Variants in GRM7 observed in about 807,000 individuals in gnomAD.
The protein encoded by GRM7 is metabotropic glutamate receptor 7.
Under a neutral mutation model 84.5 loss-of-function variants are expected in GRM7, and 35 were observed. The ratio of observed to expected loss-of-function variants is 0.41; its 90% CI spans 0.32 to 0.55. GRM7 has a LOEUF of 0.55. Among genes scored for constraint, GRM7 ranks in the 20% least tolerant of loss-of-function variants. The pLI, the probability that GRM7 is intolerant of heterozygous loss-of-function variation, is 0.19. For synonymous variants in GRM7, 487 were observed against 455.1 expected (o/e 1.07, Z -0.89); for missense variants, 1,003 against 1,194.6 (o/e 0.84, Z 2.36).
chr3:7,009,186 T>A (rs1208494223), intron 1 of GRM7, among the ~76,000 whole-genome samples: 1 of 152,230 alleles, frequency 6.6e-6, no homozygotes, highest in Non-Finnish European at 1.5e-5. Flanking sequence ...CTAAACTTCT[T>A]CTCATCTTTG....
intron 5 of GRM7, among the ~76,000 whole-genome samples, chr3:7,426,868 C>G (rs1575319773): frequency 6.6e-6 from 1 of 152,148 alleles, no homozygotes; most frequent in Non-Finnish European, 1.5e-5. Flanking sequence ...ATTTTACTTT[C>G]CAGGCTTAAA....
intron 1 of GRM7, among the ~76,000 whole-genome samples, chr3:7,047,572 T>C (rs934568735): frequency 1.3e-5 from 2 of 152,082 alleles, no homozygotes; most frequent in Non-Finnish European, 2.9e-5. Context: ...TTCCAGCCAG[T>C]ACTATTTTCA....
At chr3:7,250,777 G>A (rs1697954858) in intron 2 of GRM7, among the ~76,000 whole-genome samples, 1 of 152,132 alleles carries the variant, frequency 6.6e-6, no homozygotes, top group South Asian at 2.1e-4. Context: ...ACCCACCTCA[G>A]CCTCCCAAAG....
At chr3:7,198,155 T>A (rs1308118822) in intron 2 of GRM7, among the ~76,000 whole-genome samples, 1 of 137,658 alleles carries the variant, frequency 7.3e-6, no homozygotes. Context: ...GATAAAATGT[T>A]AAAAAAAAAA....
intron 2 of GRM7, among the ~76,000 whole-genome samples, chr3:7,149,813 A>G (rs1480240962): frequency 6.6e-6 from 1 of 152,234 alleles, no homozygotes; most frequent in Non-Finnish European, 1.5e-5. Flanking sequence ...GAAGCATTTA[A>G]TACCCAACAA....
At chr3:7,548,670 G>A (rs1197131854) in intron 7 of GRM7, among the ~76,000 whole-genome samples, 1 of 152,124 alleles carries the variant, frequency 6.6e-6, no homozygotes, top group Non-Finnish European at 1.5e-5. Context: ...TCTTCCAATT[G>A]TGATCCCCTA....
chr3:7,134,142 G>T (rs1693694538), intron 1 of GRM7, among the ~76,000 whole-genome samples: 1 of 152,148 alleles, frequency 6.6e-6, no homozygotes, highest in Non-Finnish European at 1.5e-5. Flanking sequence ...TTAACCCTGT[G>T]ATGTGTCTTG....
intron 1 of GRM7, among the ~76,000 whole-genome samples, chr3:7,051,570 T>C (rs1697000394): frequency 6.6e-6 from 1 of 151,836 alleles, no homozygotes. Context: ...CTCAAATTAC[T>C]GATGAAGGAA....
At chr3:7,722,922 G>A (rs1329797086) in intron 9 of GRM7, among the ~76,000 whole-genome samples, 2 of 152,176 alleles carry the variant, frequency 1.3e-5, no homozygotes, top group African/African-American at 4.8e-5. Context: ...AGATAAAAGT[G>A]AGACAAGCTC....
At chr3:7,122,109 C>T (rs1364665456) in intron 1 of GRM7, among the ~76,000 whole-genome samples, 2 of 152,134 alleles carry the variant, frequency 1.3e-5, no homozygotes, top group Non-Finnish European at 2.9e-5. Context: ...ATAAATTACC[C>T]AGTCTGTGGT....
intron 2 of GRM7, among the ~76,000 whole-genome samples, chr3:7,193,231 G>A (rs1362991072): frequency 2.0e-5 from 3 of 152,126 alleles, no homozygotes; most frequent in African/African-American, 7.2e-5. Context: ...GAATGAATGA[G>A]TGGCAGTGAA....
chr3:7,210,275 T>C (rs1449163436), intron 2 of GRM7, among the ~76,000 whole-genome samples: 1 of 152,218 alleles, frequency 6.6e-6, no homozygotes, highest in Non-Finnish European at 1.5e-5. Context: ...TTTACTCAGT[T>C]CCCATCTATT....
At chr3:7,330,716 G>C (rs1225778469) in intron 4 of GRM7, among the ~76,000 whole-genome samples, 1 of 152,146 alleles carries the variant, frequency 6.6e-6, no homozygotes, top group Non-Finnish European at 1.5e-5. Flanking sequence ...GGCCTCCCCA[G>C]CCACGTGGAA....
intron 7 of GRM7, among the ~76,000 whole-genome samples, chr3:7,473,510 G>T (rs1698794924): frequency 6.6e-6 from 1 of 151,488 alleles, no homozygotes; most frequent in African/African-American, 2.4e-5. Flanking sequence ...GAGAGAGAGA[G>T]AGAGAGAGAG....
At chr3:7,291,388 T>G (rs953575004) in intron 2 of GRM7, among the ~76,000 whole-genome samples, 1 of 152,128 alleles carries the variant, frequency 6.6e-6, no homozygotes, top group Non-Finnish European at 1.5e-5. Context: ...TTACCACTTT[T>G]AAGGAGTAGG....
intron 1 of GRM7, among the ~76,000 whole-genome samples, chr3:7,016,032 C>A (rs1212860389): frequency 6.6e-6 from 1 of 152,100 alleles, no homozygotes; most frequent in Non-Finnish European, 1.5e-5. Flanking sequence ...CAAAGTACAA[C>A]AAAGACTACA....
chr3:7,602,484 AG>A (rs1696361719), intron 8 of GRM7, among the ~76,000 whole-genome samples: 1 of 152,188 alleles, frequency 6.6e-6, no homozygotes, highest in Non-Finnish European at 1.5e-5. Flanking sequence ...AATTACTTAC[AG>A]ATGCATATGC....
At chr3:7,415,262 A>T in intron 5 of GRM7, 99 bp downstream of exon 5, 1 of 1,027,510 alleles carries the variant, frequency 9.7e-7, no homozygotes, top group Non-Finnish European at 1.5e-6. Flanking sequence ...AGACAAATTG[A>T]AAAAGTAAAT....
At position 7,099,050 on chromosome 3, in the gene GRM7, C is replaced by T. The variant is rs143555018; in HGVS notation, c.520-47402C>T. ...GTTACTAAGTTCCTTAAAGCCAAGA[C>T]CTATATCTTATTTGTGCTTGAGCTT... On this transcript the variant is annotated intron_variant, in intron 1 of 9. Transcript: ENST00000357716. Among the ~76,000 whole-genome samples the T allele has an allele frequency of 4.5e-3, 678 of 151,546 alleles. 7 individuals carry two copies. Among genetic ancestry groups the T allele is most frequent in the African/African-American group, 0.016 (649 of 41,374 alleles).
Sources: allele counts gnomAD v4.1 joint callset (sites outside exome capture counted in the v4.1 genomes callset), GRCh38; gene constraint gnomAD v4.1.1; transcripts MANE v1.5; gene names NCBI Gene and HGNC (gene_info 2026-07-23, HGNC 2026-07-21).